Variants in CFAP99 observed in about 807,000 individuals in gnomAD.
CFAP99 encodes the protein cilia- and flagella-associated protein 99.
Under a neutral mutation model 82.7 loss-of-function variants are expected in CFAP99, and 84 were observed. That is an observed-to-expected ratio of 1.02 (90% CI 0.85 to 1.22). CFAP99 has a LOEUF of 1.22. Ranked by LOEUF, CFAP99 falls within the 50% of genes most tolerant of loss-of-function variation. The probability of loss-of-function intolerance (pLI) is 0.00; values close to 1 mark genes in which losing one functional copy is unlikely to be tolerated. For missense variants in CFAP99, 1,059 were observed against 983.5 expected (o/e 1.08, Z -1.03); for synonymous variants, 456 against 429.5 (o/e 1.06, Z -0.76).
intron 11 of CFAP99, among the ~76,000 whole-genome samples, chr4:2,456,294 A>G (rs868811589): frequency 8.6e-5 from 13 of 152,038 alleles, no homozygotes; most frequent in Middle Eastern, 3.2e-3. Context: ...CGACCTCCCA[A>G]AGTGCTGGAA....
intron 1 of CFAP99, among the ~76,000 whole-genome samples, chr4:2,419,461 C>G (rs1371457031): frequency 5.3e-5 from 8 of 152,170 alleles, no homozygotes; most frequent in Admixed American, 2.0e-4. Context: ...CCGGCGTGCC[C>G]TGGCTGTGGG....
At chr4:2,426,757 A>T (rs1733693704) in intron 2 of CFAP99, 171 bp downstream of exon 2, 2 of 593,936 alleles carry the variant, frequency 3.4e-6, no homozygotes, top group South Asian at 1.9e-5. Flanking sequence ...TGCTCCTGGC[A>T]CCCAGAATGT....
At chr4:2,443,091 C>A (rs957047377) in intron 4 of CFAP99, 39 bp from the exon 5 acceptor site, 20 of 1,196,312 alleles carry the variant, frequency 1.7e-5, no homozygotes, top group Non-Finnish European at 2.0e-5. Context: ...GGGGTTGGGC[C>A]CAGGGCTCCG....
Position 2,462,213 on chromosome 4 carries a change from G to A in CFAP99, c.1662-230G>A, listed in dbSNP as rs1023489084. 4.4e-5 allele frequency: 18 copies of A among 410,118 alleles called. No individual in the cohort carries two copies. Among genetic ancestry groups the A allele is most frequent in the African/African-American group, 3.1e-4 (15 of 48,218 alleles). 25.4% of individuals were successfully genotyped at this position (410,118 alleles called of 1,614,324 possible). ...TAAAGAAAAGAAAAAAAGAGCAAAA[G>A]GGTAGATAGAAGTGCTGGAGACTCC... On this transcript the variant is annotated intron_variant, in intron 14 of 14. Coordinates refer to ENST00000635017, the Ensembl canonical transcript of CFAP99. The surrounding 1 kb of genome is among the most constrained non-coding windows in gnomAD (Gnocchi z 4.1).
chr4:2,436,852 C>T lies in CFAP99; in HGVS notation c.112-22C>T, dbSNP rs924985238. 9 of 1,535,130 alleles carry T rather than the reference C, an allele frequency of 5.9e-6. No homozygotes were observed. In the African/African-American group the frequency reaches 9.6e-5, roughly 16 times the overall value. On this transcript the variant is annotated intron_variant, in intron 2 of 14. Coordinates refer to ENST00000635017, the Ensembl canonical transcript of CFAP99. ...TTCCTCCCGGCCCAGCCAGGGCCCC[C>T]CACCGGCTGTCTCTCTTCCAGGCTC...
chr4:2,449,366 G>C (rs1734246841), intron 6 of CFAP99, among the ~76,000 whole-genome samples: 1 of 151,982 alleles, frequency 6.6e-6, no homozygotes, highest in African/African-American at 2.4e-5. Flanking sequence ...TACCCACCCT[G>C]GCCATCCCAT....
At chr4:2,445,416 A>C (rs1734143058) in intron 6 of CFAP99, 108 bp downstream of exon 6, 13 of 1,003,790 alleles carry the variant, frequency 1.3e-5, no homozygotes, top group Non-Finnish European at 1.7e-5. Flanking sequence ...CCCAGGGCTG[A>C]GGGTGCACTG....
chr4:2,458,898 C>A (rs567911512), intron 12 of CFAP99, 34 bp downstream of exon 12: 54 of 1,518,274 alleles, frequency 3.6e-5, no homozygotes, highest in Non-Finnish European at 4.8e-5. Flanking sequence ...GGCCCTACCC[C>A]GCTCTTCCCC....
At chr4:2,419,996 G>A (rs1307572256) in intron 1 of CFAP99, among the ~76,000 whole-genome samples, 2 of 151,908 alleles carry the variant, frequency 1.3e-5, no homozygotes, top group East Asian at 1.9e-4. Context: ...TCCGATGATC[G>A]GGGTCAGCGC....
intron 6 of CFAP99, among the ~76,000 whole-genome samples, chr4:2,447,522 T>C (rs1252675707): frequency 6.6e-6 from 1 of 151,590 alleles, no homozygotes; most frequent in Non-Finnish European, 1.5e-5. Flanking sequence ...GATGGATTAA[T>C]GGATAGATGG....
intron 2 of CFAP99, among the ~76,000 whole-genome samples, chr4:2,431,744 A>AT (rs56016628): frequency 0.044 from 6,461 of 148,114 alleles, 476 homozygotes; most frequent in African/African-American, 0.15. Flanking sequence ...TCACTTTATT[A>AT]TTTTTTTTTT....
chr4:2,425,073 C>T (rs767346758), intron 1 of CFAP99, among the ~76,000 whole-genome samples: 5 of 152,172 alleles, frequency 3.3e-5, no homozygotes, highest in Non-Finnish European at 5.9e-5. Flanking sequence ...TACCTTCCGT[C>T]TCCTGTTTAT....
chr4:2,462,398 G>A lies in CFAP99; in HGVS notation c.1662-45G>A, dbSNP rs1734640883. 7.2e-7 allele frequency: 1 copy of A among 1,393,272 alleles called. No homozygotes were observed. The highest frequency in any genetic ancestry group is 9.2e-7 in the Non-Finnish European group (1 of 1,086,526). 86.3% of individuals were successfully genotyped at this position (1,393,272 alleles called of 1,614,324 possible). On this transcript the variant is annotated intron_variant, in intron 14 of 14. Coordinates refer to ENST00000635017, the Ensembl canonical transcript of CFAP99. This position sits in a 1 kb window ranked among gnomAD's most constrained non-coding sequence, Gnocchi z 4.1. ...CGGGTGGCATCCTGGGTCTGGCCTG[G>A]GCCTCCCGCCGGCCTGCTCCTGAGC... is the stretch of plus-strand genomic sequence containing the variant.
chr4:2,435,366 T>C (rs760394985), intron 2 of CFAP99, among the ~76,000 whole-genome samples: 4 of 147,438 alleles, frequency 2.7e-5, no homozygotes, highest in Non-Finnish European at 4.5e-5. Flanking sequence ...AAAATAAAAG[T>C]AAAATTCCTA....
At chr4:2,435,378 A>G (rs1733885950) in intron 2 of CFAP99, among the ~76,000 whole-genome samples, 1 of 152,114 alleles carries the variant, frequency 6.6e-6, no homozygotes, top group African/African-American at 2.4e-5. Flanking sequence ...AAATTCCTAC[A>G]TGCTCTATAT....
chr4:2,426,942 A>G (rs1402953734), intron 2 of CFAP99: 3 of 277,984 alleles, frequency 1.1e-5, no homozygotes, highest in Non-Finnish European at 2.1e-5. Context: ...TCCATCCCCC[A>G]GGCGCCCCAG....
At chr4:2,422,375 T>A (rs1014832213) in intron 1 of CFAP99, among the ~76,000 whole-genome samples, 5 of 152,068 alleles carry the variant, frequency 3.3e-5, no homozygotes, top group African/African-American at 1.2e-4. Flanking sequence ...TTCACCCCCG[T>A]CCCCATCTTC....
At chr4:2,438,436 G>C (rs1733967973) in intron 4 of CFAP99, among the ~76,000 whole-genome samples, 1 of 152,038 alleles carries the variant, frequency 6.6e-6, no homozygotes, top group African/African-American at 2.4e-5. Context: ...CTATTTTTTT[G>C]TATTTTTAGT....
In CFAP99 at chr4:2,459,252, G is replaced by C. The variant is rs924574047; in HGVS notation, c.1449G>C (p.Leu483=). 3.3e-6 allele frequency: 5 copies of C among 1,532,808 alleles called. No homozygotes were observed. The African/African-American group carries it at 6.8e-5, about 21-fold the overall frequency. 95.0% of individuals were successfully genotyped at this position (1,532,808 alleles called of 1,614,324 possible). ...CGCGCAAGGGCAAGCTCGTGGACCTGACCCAGGTGAGGATGCAGTCCTGGA... is the reference window on the plus strand; with the variant it reads ...CGCGCAAGGGCAAGCTCGTGGACCTCACCCAGGTGAGGATGCAGTCCTGGA... The change falls in exon 13 of 15, where the codon CTG becomes CTC. Residue 483 remains leucine, a synonymous_variant. Coordinates refer to ENST00000635017, the Ensembl canonical transcript of CFAP99.
Sources: allele counts gnomAD v4.1 joint callset (sites outside exome capture counted in the v4.1 genomes callset), GRCh38; gene constraint gnomAD v4.1.1; non-coding constraint Gnocchi (gnomAD v3.1); transcripts MANE v1.5; gene names NCBI Gene and HGNC (gene_info 2026-07-23, HGNC 2026-07-21).